The following KIF16B variants were observed in gnomAD, a reference collection of about 807,000 sequenced individuals.
KIF16B encodes the protein kinesin family member 16B, also known as kinesin-like protein KIF16B.
KIF16B carries 98 observed loss-of-function variants against 156.3 expected under a neutral mutation model. The observed-to-expected ratio is 0.63, with a 90% CI of 0.53 to 0.74. The LOEUF is 0.74. Ranked by LOEUF, KIF16B falls within the 30% of genes least tolerant of loss-of-function variation. The pLI, the probability that KIF16B is intolerant of heterozygous loss-of-function variation, is 0.00. For missense variants in KIF16B, 1,421 were observed against 1,606.5 expected (o/e 0.88, Z 1.97); for synonymous variants, 564 against 583.7 (o/e 0.97, Z 0.49).
intron 23 of KIF16B, among the ~76,000 whole-genome samples, chr20:16,336,307 CTT>C (rs962465594): frequency 2.0e-5 from 3 of 152,108 alleles, no homozygotes; most frequent in African/African-American, 7.2e-5. Flanking sequence ...TATAGAAACA[CTT>C]TTAAAGAAGA....
intron 13 of KIF16B, 48 bp from the exon 14 acceptor site, chr20:16,429,052 A>G (rs1239901877): frequency 6.8e-7 from 1 of 1,476,702 alleles, no homozygotes; most frequent in African/African-American, 1.4e-5. Flanking sequence ...GAGAAGGAAT[A>G]GCTTGTTTCT....
chr20:16,330,118 T>C (rs1451323852), intron 24 of KIF16B, among the ~76,000 whole-genome samples: 1 of 152,238 alleles, frequency 6.6e-6, no homozygotes, highest in African/African-American at 2.4e-5. Flanking sequence ...TGTCTTCTTG[T>C]CTGCTCAATT....
In KIF16B at chr20:16,379,051, T is replaced by C. The variant is rs2065022781; in HGVS notation, c.2951A>G (p.Glu984Gly). The change falls in exon 19 of 26, where the codon GAA becomes GGA. Residue 984 changes from glutamate to glycine, a missense_variant. Coordinates refer to ENST00000354981, the MANE Select transcript of KIF16B (RefSeq NM_024704.5). ...CTCCTTTTCCTTTTTCCTCACTTTT[T>C]CCTCCTGACGTGCAATGTTGGCAGT... Reference protein sequence around the residue: ...EFTANIARQEEKVRKKEKEIL... With the variant: ...EFTANIARQEGKVRKKEKEIL... The C allele has an allele frequency of 6.2e-7, 1 of 1,610,868 alleles. No homozygotes were observed.
intron 24 of KIF16B, among the ~76,000 whole-genome samples, chr20:16,317,533 A>AT (rs2063715052): frequency 6.6e-6 from 1 of 152,252 alleles, no homozygotes; most frequent in Non-Finnish European, 1.5e-5. Context: ...AGAGAGTCTC[A>AT]TGTTGAAAAG....
chr20:16,559,952 T>C (rs571899073), intron 1 of KIF16B, among the ~76,000 whole-genome samples: 1 of 152,148 alleles, frequency 6.6e-6, no homozygotes, highest in South Asian at 2.1e-4. Flanking sequence ...AATATTACTT[T>C]CCGGTTTTGA....
intron 22 of KIF16B, among the ~76,000 whole-genome samples, chr20:16,369,692 A>G (rs913277571): frequency 6.6e-6 from 1 of 152,236 alleles, no homozygotes; most frequent in Non-Finnish European, 1.5e-5. Context: ...AGGCCAAAAG[A>G]AATGCCCAAG....
intron 1 of KIF16B, among the ~76,000 whole-genome samples, chr20:16,562,204 C>T (rs926519580): frequency 6.6e-6 from 1 of 151,914 alleles, no homozygotes; most frequent in Admixed American, 6.6e-5. Flanking sequence ...AGTATTCTGC[C>T]CTATAAACTG....
chr20:16,473,384 T>C (rs1268123305), intron 12 of KIF16B, among the ~76,000 whole-genome samples: 2 of 152,148 alleles, frequency 1.3e-5, no homozygotes, highest in Non-Finnish European at 2.9e-5. Context: ...ACTAAAACAG[T>C]CCCTCAACAA....
chr20:16,519,890 C>T (rs1307351710), intron 3 of KIF16B, among the ~76,000 whole-genome samples: 2 of 152,192 alleles, frequency 1.3e-5, no homozygotes, highest in Non-Finnish European at 2.9e-5. Flanking sequence ...CAGGGTTGAG[C>T]ACCGCCTCAC....
In KIF16B at chr20:16,379,163, T is replaced by C; in HGVS notation, c.2839A>G (p.Lys947Glu). 1 of 1,614,212 alleles carries C rather than the reference T, an allele frequency of 6.2e-7. No individual in the cohort carries two copies. The highest frequency in any genetic ancestry group is 8.5e-7 in the Non-Finnish European group (1 of 1,180,032). Residue 947 changes from lysine (K) to glutamate (E), a missense_variant, in exon 19 of 26, where the codon AAG (lysine) becomes GAG (glutamate). Transcript: ENST00000354981. ...SLDNTLYQVE[K>E]EMEEKEEQLA... ...TGTTCTTCTTTTTCTTCCATTTCCT[T>C]TTCTACTTGATAAAGAGTGTTGTCT...
chr20:16,397,097 C>T (rs2065525474), intron 17 of KIF16B, among the ~76,000 whole-genome samples: 2 of 152,224 alleles, frequency 1.3e-5, no homozygotes, highest in Non-Finnish European at 2.9e-5. Context: ...AAAGCCTCTG[C>T]ATCTTGCCAA....
At position 16,379,798 on chromosome 20, in the gene KIF16B, T is replaced by C. The variant is rs1448814566; in HGVS notation, c.2204A>G (p.Lys735Arg). Residue 735 changes from lysine to arginine, a missense_variant, in exon 19 of 26, where the codon AAG becomes AGG. Coordinates refer to ENST00000354981, the MANE Select transcript of KIF16B (RefSeq NM_024704.5). ...QIFQELDQLQ[K>R]EKDEQYAKLE... is the part of the protein sequence containing the mutation. ...CTTGGCATACTGTTCATCTTTTTCCTTTTGGAGCTGGTCCAGTTCTTGAAA... is the reference window on the plus strand; with the variant it reads ...CTTGGCATACTGTTCATCTTTTTCCCTTTGGAGCTGGTCCAGTTCTTGAAA... The C allele has an allele frequency of 1.9e-6, 3 of 1,614,212 alleles. No individual in the cohort carries two copies. The Admixed American group carries it at 5.0e-5, about 27-fold the overall frequency.
At chr20:16,502,467 T>C (rs1287470060) in intron 10 of KIF16B, among the ~76,000 whole-genome samples, 2 of 152,216 alleles carry the variant, frequency 1.3e-5, no homozygotes, top group Non-Finnish European at 2.9e-5. Context: ...ATTTTTATTG[T>C]AATATATTGT....
chr20:16,445,750 AAAGTGCTTGCTGCC>A (rs1223432095), intron 12 of KIF16B, among the ~76,000 whole-genome samples: 4 of 152,214 alleles, frequency 2.6e-5, no homozygotes, highest in African/African-American at 9.7e-5. Context: ...GACAGTGTGC[AAAGTGCTTGCTGCC>A]ATTCCAGAGT....
chr20:16,497,520 G>A lies in KIF16B; in HGVS notation c.1242+93C>T, dbSNP rs569147617. On this transcript the variant is annotated intron_variant, in intron 11 of 25. Coordinates refer to ENST00000354981, the MANE Select transcript of KIF16B (RefSeq NM_024704.5). ...GGAGGCTAAGTGCAATAAAGAAAAA[G>A]AAGGCATCTCAAACGGCAAGTCCTA... 1.9e-4 allele frequency: 178 copies of A among 944,900 alleles called. 1 individual carries two copies. The East Asian group carries it at 4.2e-3, about 23-fold the overall frequency. The allele number at this position is 944,900 out of a possible 1,614,324, so 58.5% of individuals were successfully genotyped here.
At chr20:16,381,985 A>G (rs1005881350) in intron 17 of KIF16B, 3 of 914,036 alleles carry the variant, frequency 3.3e-6, no homozygotes, top group African/African-American at 3.4e-5. Flanking sequence ...TTGAAGGAAA[A>G]CAAAACAAAA....
chr20:16,499,502 T>A (rs1479552086), intron 10 of KIF16B, among the ~76,000 whole-genome samples: 1 of 152,234 alleles, frequency 6.6e-6, no homozygotes, highest in Non-Finnish European at 1.5e-5. Flanking sequence ...GTTACTACAA[T>A]GCATCATTGC....
chr20:16,525,267 A>T (rs2069498060), intron 3 of KIF16B, among the ~76,000 whole-genome samples: 1 of 152,190 alleles, frequency 6.6e-6, no homozygotes, highest in Non-Finnish European at 1.5e-5. Context: ...CAGGCAGGAC[A>T]GGAATTCTTA....
rs1255453353 is a variant in KIF16B at position 16,273,168 on chromosome 20, A to G, written c.*85T>C. ...CTTCAGCAGGAGGAGGCAGACCCGG[A>G]TCCTCGCATGGGGGAGCTGCCCTGC... On this transcript the variant is annotated 3_prime_UTR_variant, in exon 26 of 26. Coordinates refer to ENST00000354981, the MANE Select transcript of KIF16B (RefSeq NM_024704.5). The G allele has an allele frequency of 7.6e-6, 9 of 1,189,160 alleles. No homozygotes were observed. The highest frequency in any genetic ancestry group is 1.8e-5 in the Admixed American group (1 of 56,464). The allele number at this position is 1,189,160 out of a possible 1,614,324, so 73.7% of individuals were successfully genotyped here.
Sources: gnomAD v4.1 joint callset for allele counts (sites outside exome capture counted in the v4.1 genomes callset) on GRCh38, gnomAD v4.1.1 for gene constraint, MANE v1.5 for transcripts, NCBI Gene and HGNC (gene_info 2026-07-23, HGNC 2026-07-21) for gene names.